Variants in PLGRKT observed in about 807,000 individuals in gnomAD.
The protein encoded by PLGRKT is plasminogen receptor (KT).
In PLGRKT, 22 loss-of-function variants were observed where a neutral mutation model predicts 18.5. That is an observed-to-expected ratio of 1.19 (90% CI 0.85 to 1.70). PLGRKT has a LOEUF of 1.70. Among genes scored for constraint, PLGRKT ranks in the 40% most tolerant of loss-of-function variants. PLGRKT has a pLI of 0.00. For missense variants in PLGRKT, 235 were observed against 174.4 expected (o/e 1.35, Z -1.96); for synonymous variants, 72 against 52.8 (o/e 1.36, Z -1.58).
At chr9:5,380,865 T>C (rs1484008048) in intron 3 of PLGRKT, among the ~76,000 whole-genome samples, 1 of 152,148 alleles carries the variant, frequency 6.6e-6, no homozygotes, top group East Asian at 1.9e-4. Flanking sequence ...GTAATCCCTA[T>C]GTATAGAGGG....
intron 3 of PLGRKT, among the ~76,000 whole-genome samples, chr9:5,373,668 C>T (rs911434482): frequency 6.6e-6 from 1 of 152,034 alleles, no homozygotes; most frequent in African/African-American, 2.4e-5. Flanking sequence ...CATGGTGGCA[C>T]ACACCTGTAG....
At chr9:5,424,654 TATA>T in intron 3 of PLGRKT, among the ~76,000 whole-genome samples, 1 of 113,314 alleles carries the variant, frequency 8.8e-6, no homozygotes, top group South Asian at 2.6e-4. Context: ...TTATATATAA[TATA>T]ATTATATATT....
intron 3 of PLGRKT, among the ~76,000 whole-genome samples, chr9:5,380,554 C>G (rs1021116750): frequency 3.3e-5 from 5 of 152,054 alleles, no homozygotes; most frequent in African/African-American, 1.2e-4. Flanking sequence ...ACTGATTCCA[C>G]TTTTTAAAAC....
intron 3 of PLGRKT, among the ~76,000 whole-genome samples, chr9:5,422,813 G>A (rs1818603105): frequency 6.6e-6 from 1 of 152,060 alleles, no homozygotes; most frequent in African/African-American, 2.4e-5. Context: ...GAAGAAAAAA[G>A]ACTACCAAAA....
intron 5 of PLGRKT, 46 bp downstream of exon 5, chr9:5,361,032 G>A: frequency 9.9e-7 from 1 of 1,005,772 alleles, no homozygotes; most frequent in Non-Finnish European, 1.6e-6. Flanking sequence ...TCCTTGAAAT[G>A]GAAAATAAAT....
intron 3 of PLGRKT, among the ~76,000 whole-genome samples, chr9:5,431,160 G>T (rs1289900373): frequency 1.3e-5 from 2 of 152,160 alleles, no homozygotes; most frequent in East Asian, 3.8e-4. Context: ...CTTGACTCAT[G>T]ATCCTTAAAC....
At position 5,361,819 on chromosome 9, in the gene PLGRKT, G is replaced by A. The variant is rs367784088; in HGVS notation, c.151C>T (p.Arg51Trp). The change falls in exon 4 of 6, where the codon CGG becomes TGG. Residue 51 changes from arginine (R) to tryptophan (W), a missense_variant. Coordinates refer to ENST00000223864, the MANE Select transcript of PLGRKT (RefSeq NM_018465.4). ...GTTCCAAAATATTTGAGGAATTCCCGAGACCACGCAATCTGCATGGCCATT... is the reference window on the plus strand; with the variant it reads ...GTTCCAAAATATTTGAGGAATTCCCAAGACCACGCAATCTGCATGGCCATT... ...RQMAMQIAWS[R>W]EFLKYFGTFF... The A allele has an allele frequency of 1.7e-5, 28 of 1,612,918 alleles. No homozygotes were observed. The highest frequency in any genetic ancestry group is 3.3e-5 in the Admixed American group (2 of 59,916).
chr9:5,387,469 A>C (rs1459010279), intron 3 of PLGRKT, among the ~76,000 whole-genome samples: 2 of 151,996 alleles, frequency 1.3e-5, no homozygotes, highest in Admixed American at 6.5e-5. Flanking sequence ...ACATGGAAAA[A>C]ATAATGTATT....
At chr9:5,380,496 G>A (rs138961500) in intron 3 of PLGRKT, among the ~76,000 whole-genome samples, 2 of 151,456 alleles carry the variant, frequency 1.3e-5, no homozygotes. Flanking sequence ...ACAATCCTAC[G>A]ATTTGGATGT....
chr9:5,377,883 C>T (rs567369132), intron 3 of PLGRKT, among the ~76,000 whole-genome samples: 2 of 152,144 alleles, frequency 1.3e-5, no homozygotes, highest in Non-Finnish European at 2.9e-5. Flanking sequence ...GGCAATTCTG[C>T]ACTTCGACAG....
chr9:5,383,875 G>C (rs2131098582), intron 3 of PLGRKT, among the ~76,000 whole-genome samples: 1 of 152,336 alleles, frequency 6.6e-6, no homozygotes, highest in Non-Finnish European at 1.5e-5. Flanking sequence ...GGATCCTAGA[G>C]TTAGTGGATA....
intron 3 of PLGRKT, among the ~76,000 whole-genome samples, chr9:5,422,416 A>G (rs1818595265): frequency 6.6e-6 from 1 of 152,254 alleles, no homozygotes; most frequent in Non-Finnish European, 1.5e-5. Flanking sequence ...GAATATGCTC[A>G]GAAATACCAT....
intron 3 of PLGRKT, among the ~76,000 whole-genome samples, chr9:5,411,482 T>C (rs1381574574): frequency 1.3e-5 from 2 of 152,078 alleles, no homozygotes. Context: ...CTCCCCATCT[T>C]AGAGATGAAG....
At chr9:5,396,125 C>G (rs1446757363) in intron 3 of PLGRKT, among the ~76,000 whole-genome samples, 1 of 151,500 alleles carries the variant, frequency 6.6e-6, no homozygotes, top group Non-Finnish European at 1.5e-5. Flanking sequence ...AACTCCTGAC[C>G]TGAGGTGATC....
chr9:5,367,168 C>G (rs765324512), intron 3 of PLGRKT, among the ~76,000 whole-genome samples: 8 of 151,738 alleles, frequency 5.3e-5, no homozygotes, highest in South Asian at 4.2e-4. Context: ...GCCATACTGC[C>G]CAAAGTAAAA....
intron 3 of PLGRKT, among the ~76,000 whole-genome samples, chr9:5,382,710 G>A (rs934287948): frequency 2.6e-5 from 4 of 152,176 alleles, no homozygotes; most frequent in South Asian, 2.1e-4. Context: ...CCCTCTGGCC[G>A]CCCTGTGAGG....
intron 3 of PLGRKT, among the ~76,000 whole-genome samples, chr9:5,413,929 G>A (rs1818411368): frequency 6.6e-6 from 1 of 152,120 alleles, no homozygotes; most frequent in Non-Finnish European, 1.5e-5. Flanking sequence ...AATGAAAAAT[G>A]CAAAGTAAAC....
chr9:5,373,864 C>A (rs1444997314), intron 3 of PLGRKT, among the ~76,000 whole-genome samples: 2 of 152,180 alleles, frequency 1.3e-5, no homozygotes, highest in Non-Finnish European at 1.5e-5. Flanking sequence ...TCTAAAAGGG[C>A]AAGTCTTGCT....
intron 2 of PLGRKT, among the ~76,000 whole-genome samples, chr9:5,434,059 C>T (rs1244155712): frequency 2.0e-5 from 3 of 148,650 alleles, no homozygotes; most frequent in African/African-American, 7.5e-5. Context: ...GCGCCTCTGC[C>T]CGGCCGCCCC....
Sources: gnomAD v4.1 joint callset for allele counts (sites outside exome capture counted in the v4.1 genomes callset) on GRCh38, gnomAD v4.1.1 for gene constraint, MANE v1.5 for transcripts, NCBI Gene and HGNC (gene_info 2026-07-23, HGNC 2026-07-21) for gene names.